The following ERG variants were observed in gnomAD, a reference collection of about 807,000 sequenced individuals.
ERG encodes the protein transcriptional regulator ERG.
A neutral mutation model predicts 55.3 loss-of-function variants in ERG; 9 were observed. The observed-to-expected ratio is 0.16, with a 90% confidence interval of 0.10 to 0.28. The LOEUF (loss-of-function observed/expected upper bound fraction) is 0.28, where lower values mean the gene tolerates loss of function less well. Among genes scored for constraint, ERG ranks in the 10% least tolerant of loss-of-function variants. The pLI, the probability that ERG is intolerant of heterozygous loss-of-function variation, is 1.00. For missense variants in ERG, 434 were observed against 631.6 expected, an observed-to-expected ratio of 0.69 and a Z score of 3.35; for synonymous variants, 223 against 237.3, an observed-to-expected ratio of 0.94 and a Z score of 0.55.
At chr21:38,489,040 G>A (rs2059312607) in intron 1 of ERG, among the ~76,000 whole-genome samples, 1 of 152,226 alleles carries the variant, frequency 6.6e-6, no homozygotes, top group South Asian at 2.1e-4. Flanking sequence ...GAGAGAGGAA[G>A]TTTCCACTGG....
At chr21:38,605,751 C>T (rs995612877) in intron 1 of ERG, among the ~76,000 whole-genome samples, 1 of 152,060 alleles carries the variant, frequency 6.6e-6, no homozygotes, top group Admixed American at 6.6e-5. Context: ...CCTAAGGCTA[C>T]GTGCAGCAAA....
chr21:38,505,399 C>T (rs181196745), intron 2 of ERG, among the ~76,000 whole-genome samples: 74 of 152,324 alleles, frequency 4.9e-4, no homozygotes, highest in Middle Eastern at 3.4e-3. Context: ...CTGCAAGCAA[C>T]GCAGAGGACA....
Position 38,551,670 on chromosome 21 carries a change from A to T in ERG, c.-41+23992T>A, listed in dbSNP as rs568161741. 3.3e-5 allele frequency among the ~76,000 whole-genome samples: 5 copies of T among 152,170 alleles called. No individual in the cohort carries two copies. In the South Asian group the frequency reaches 1.0e-3, roughly 32 times the overall value. On this transcript the variant is annotated intron_variant, in intron 2 of 8. Transcript: ENST00000398897. ...ATTTTGAGAGATATTCTTAGCATTG[A>T]TTTTATTTTTACCGTGCTGTGGTCT...
chr21:38,473,845 T>C (rs1340869520), intron 1 of ERG, among the ~76,000 whole-genome samples: 1 of 152,142 alleles, frequency 6.6e-6, no homozygotes, highest in Non-Finnish European at 1.5e-5. Context: ...CATGTGTATG[T>C]GTACATGTTT....
At chr21:38,503,263 G>C (rs890949318), upstream of ERG, among the ~76,000 whole-genome samples, 2 of 151,948 alleles carry the variant, frequency 1.3e-5, no homozygotes, top group African/African-American at 2.4e-5. Flanking sequence ...GAAAAATACA[G>C]GCATGTTCTG....
At chr21:38,485,965 G>A (rs767331642) in intron 1 of ERG, among the ~76,000 whole-genome samples, 7 of 151,708 alleles carry the variant, frequency 4.6e-5, no homozygotes, top group East Asian at 3.9e-4. Flanking sequence ...ATGGGGTCTC[G>A]CTCTGTAGCC....
chr21:38,387,366 T>C (rs1987741624), intron 9 of ERG, among the ~76,000 whole-genome samples: 1 of 152,178 alleles, frequency 6.6e-6, no homozygotes, highest in Non-Finnish European at 1.5e-5. Context: ...TGGAAGTCTC[T>C]GCCCCGAGGC....
chr21:38,543,319 T>C (rs999802644), intron 2 of ERG, among the ~76,000 whole-genome samples: 2 of 151,448 alleles, frequency 1.3e-5, no homozygotes, highest in Non-Finnish European at 2.9e-5. Context: ...TTTACCAATA[T>C]CCCTACTGAT....
intron 2 of ERG, among the ~76,000 whole-genome samples, chr21:38,424,868 G>C (rs1464015427): frequency 6.6e-6 from 1 of 152,168 alleles, no homozygotes; most frequent in East Asian, 1.9e-4. Flanking sequence ...CCTTGGGAAA[G>C]GGATAGGGAA....
intron 2 of ERG, among the ~76,000 whole-genome samples, chr21:38,434,562 T>A (rs1007680135): frequency 6.6e-6 from 1 of 152,230 alleles, no homozygotes; most frequent in African/African-American, 2.4e-5. Flanking sequence ...TATGAATGAA[T>A]CTTCCATTTA....
intron 2 of ERG, among the ~76,000 whole-genome samples, chr21:38,514,501 CTT>C (rs980249799): frequency 1.3e-5 from 2 of 151,730 alleles, no homozygotes; most frequent in Non-Finnish European, 2.9e-5. Context: ...ATTTATATAA[CTT>C]TAAACAAAAG....
At chr21:38,472,961 G>A (rs776933598) in intron 1 of ERG, among the ~76,000 whole-genome samples, 2 of 152,140 alleles carry the variant, frequency 1.3e-5, no homozygotes, top group African/African-American at 2.4e-5. Context: ...CTTGAGCTTG[G>A]CTCCTCGGCT....
chr21:38,370,391 T>C, the ERG span, among the ~76,000 whole-genome samples: 2 of 152,142 alleles, frequency 1.3e-5, no homozygotes, highest in African/African-American at 2.4e-5. Context: ...TTTCACTCTC[T>C]TTAATGATAT....
intron 2 of ERG, among the ~76,000 whole-genome samples, chr21:38,533,015 A>G (rs1038196287): frequency 2.0e-5 from 3 of 152,250 alleles, no homozygotes; most frequent in Non-Finnish European, 4.4e-5. Context: ...GCAGGAAGTC[A>G]GTAAAATCAC....
At chr21:38,500,525 T>C (rs1011444920), upstream of ERG, among the ~76,000 whole-genome samples, 2 of 152,204 alleles carry the variant, frequency 1.3e-5, no homozygotes, top group South Asian at 2.1e-4. Context: ...AAACTCCTAA[T>C]ACCCTTTGCC....
At chr21:38,387,091 C>T (rs1335575199) in intron 9 of ERG, among the ~76,000 whole-genome samples, 2 of 152,116 alleles carry the variant, frequency 1.3e-5, no homozygotes, top group African/African-American at 4.8e-5. Flanking sequence ...AAAAACTAAA[C>T]GGTTTACAAA....
the ERG span, among the ~76,000 whole-genome samples, chr21:38,373,730 T>C: frequency 1.1e-4 from 16 of 152,376 alleles, no homozygotes; most frequent in African/African-American, 3.4e-4. Context: ...GCCTGTGTTC[T>C]ATTTCTTTTT....
intron 1 of ERG, among the ~76,000 whole-genome samples, chr21:38,477,201 A>G (rs1341906262): frequency 6.6e-6 from 1 of 151,710 alleles, no homozygotes; most frequent in Non-Finnish European, 1.5e-5. Context: ...TTTTGTAGAG[A>G]CAAGGTTTCA....
chr21:38,466,442 T>A (rs967678526), intron 1 of ERG, among the ~76,000 whole-genome samples: 1 of 152,072 alleles, frequency 6.6e-6, no homozygotes, highest in African/African-American at 2.4e-5. Context: ...CACTGGAATA[T>A]GATTTTAATT....
Sources: allele counts gnomAD v4.1 joint callset (sites outside exome capture counted in the v4.1 genomes callset), GRCh38; gene constraint gnomAD v4.1.1; transcripts MANE v1.5; gene names NCBI Gene and HGNC (gene_info 2026-07-23, HGNC 2026-07-21).